SYN3: variants seen among roughly 807,000 people sequenced by gnomAD.
SYN3 encodes the protein synapsin III.
Under a neutral mutation model 65.8 loss-of-function variants are expected in SYN3, and 35 were observed. The ratio of observed to expected loss-of-function variants is 0.53; its 90% CI spans 0.41 to 0.70. The LOEUF is 0.70. SYN3 is among the 30% of genes least tolerant of loss of function. SYN3 has a pLI of 0.00. For synonymous variants in SYN3, 270 were observed against 292.9 expected (o/e 0.92, Z 0.80); for missense variants, 680 against 749.0 (o/e 0.91, Z 1.08).
At position 32,912,533 on chromosome 22, in the gene SYN3, T is replaced by C. The variant is rs941260969; in HGVS notation, c.461+18857A>G. On this transcript the variant is annotated intron_variant, in intron 4 of 13. Coordinates refer to ENST00000358763, the MANE Select transcript of SYN3 (RefSeq NM_003490.4). Reference sequence around the variant, plus strand: ...GAGTTTGAGACAAGCCTGCGCAACATAGTGAGACCCCCCCATCTCTACTAA... The same window carrying C: ...GAGTTTGAGACAAGCCTGCGCAACACAGTGAGACCCCCCCATCTCTACTAA... Among the ~76,000 whole-genome samples, 18 of 151,866 alleles carry C rather than the reference T, an allele frequency of 1.2e-4. 1 individual carries two copies. The highest frequency in any genetic ancestry group is 1.5e-5 in the Non-Finnish European group (1 of 67,986).
intron 6 of SYN3, among the ~76,000 whole-genome samples, chr22:32,829,437 G>T (rs1052005220): frequency 2.0e-5 from 3 of 152,190 alleles, no homozygotes; most frequent in Non-Finnish European, 4.4e-5. Flanking sequence ...GGGGTCCCCG[G>T]GCCTTCGGCA....
intron 1 of SYN3, among the ~76,000 whole-genome samples, chr22:33,045,459 C>CTTTTT (rs745442160): frequency 2.7e-4 from 23 of 84,720 alleles, no homozygotes; most frequent in Admixed American, 4.4e-4. Flanking sequence ...GCTCTACTTT[C>CTTTTT]TTTTTTTTTT....
intron 5 of SYN3, among the ~76,000 whole-genome samples, chr22:32,868,424 G>A (rs906989640): frequency 2.0e-5 from 3 of 150,678 alleles, no homozygotes; most frequent in Non-Finnish European, 2.9e-5. Context: ...ATATATTAAC[G>A]TATATGCATT....
chr22:32,979,319 A>G (rs1469643896), intron 3 of SYN3, among the ~76,000 whole-genome samples: 1 of 152,204 alleles, frequency 6.6e-6, no homozygotes, highest in African/African-American at 2.4e-5. Context: ...GCTAGCTAGC[A>G]TAGTAGACTC....
At chr22:32,584,501 A>G (rs2058994868) in intron 7 of SYN3, among the ~76,000 whole-genome samples, 1 of 152,188 alleles carries the variant, frequency 6.6e-6, no homozygotes, top group Non-Finnish European at 1.5e-5. Context: ...GGATGGCTCA[A>G]CAGACATGAC....
At chr22:32,816,311 G>A (rs918378006) in intron 6 of SYN3, among the ~76,000 whole-genome samples, 11 of 152,050 alleles carry the variant, frequency 7.2e-5, no homozygotes, top group African/African-American at 2.2e-4. Flanking sequence ...TCCTGACTAC[G>A]GGCCACACAC....
intron 6 of SYN3, among the ~76,000 whole-genome samples, chr22:32,799,349 G>A (rs563005207): frequency 2.1e-4 from 32 of 152,252 alleles, no homozygotes; most frequent in African/African-American, 7.7e-4. Flanking sequence ...TTAACCAAAA[G>A]GTAATTTCGT....
intron 6 of SYN3, among the ~76,000 whole-genome samples, chr22:32,704,519 A>G (rs899708099): frequency 3.9e-5 from 6 of 152,246 alleles, no homozygotes; most frequent in African/African-American, 9.6e-5. Flanking sequence ...ATAGTGCTGC[A>G]ATGAACATAT....
intron 13 of SYN3, among the ~76,000 whole-genome samples, chr22:32,515,706 T>C (rs1781843693): frequency 6.6e-6 from 1 of 152,242 alleles, no homozygotes; most frequent in Admixed American, 6.5e-5. Context: ...AAGTTTCTAT[T>C]TGTGATGGAT....
At chr22:32,994,082 T>C (rs2052805609) in intron 2 of SYN3, among the ~76,000 whole-genome samples, 1 of 152,060 alleles carries the variant, frequency 6.6e-6, no homozygotes, top group Admixed American at 6.5e-5. Flanking sequence ...GCCGCTGGAT[T>C]GGACAGCGTG....
At chr22:33,033,919 T>C (rs1186768847) in intron 1 of SYN3, among the ~76,000 whole-genome samples, 1 of 152,034 alleles carries the variant, frequency 6.6e-6, no homozygotes, top group African/African-American at 2.4e-5. Context: ...GCACGGTGGT[T>C]CACGCCTATA....
intron 1 of SYN3, among the ~76,000 whole-genome samples, chr22:33,056,355 C>T (rs768936370): frequency 5.3e-5 from 8 of 152,100 alleles, no homozygotes; most frequent in Non-Finnish European, 1.0e-4. Context: ...TAGTGGATAC[C>T]GTGGGGAAAT....
chr22:32,913,530 G>A (rs563472647), intron 4 of SYN3, among the ~76,000 whole-genome samples: 1 of 152,046 alleles, frequency 6.6e-6, no homozygotes, highest in East Asian at 1.9e-4. Flanking sequence ...GAAGAGATTG[G>A]GGGCAGGCAG....
chr22:32,538,478 G>A (rs1354030980), intron 8 of SYN3, among the ~76,000 whole-genome samples: 1 of 152,148 alleles, frequency 6.6e-6, no homozygotes, highest in Non-Finnish European at 1.5e-5. Context: ...GCCCCAAAAT[G>A]TTAGAAAAGT....
rs3070577 is a variant in SYN3 at position 32,739,376 on chromosome 22, CTT to C, written c.711+125537_711+125538del. On this transcript the variant is annotated intron_variant, in intron 6 of 13. Coordinates refer to ENST00000358763, the MANE Select transcript of SYN3 (RefSeq NM_003490.4). The stretch of plus-strand genomic sequence containing the variant: ...GAACTGTGAGTCCATTAAACCCCCC[CTT>C]TTTTTTTTTTTTATAAATTACCCAG... Among the ~76,000 whole-genome samples the C allele has an allele frequency of 7.0e-3, 974 of 138,814 alleles. 10 individuals carry two copies. The highest frequency in any genetic ancestry group is 0.014 in the East Asian group (69 of 4,872). 91.1% of individuals were successfully genotyped at this position (138,814 alleles called of 152,430 possible).
At chr22:32,729,684 G>C (rs1268121253) in intron 6 of SYN3, among the ~76,000 whole-genome samples, 1 of 152,186 alleles carries the variant, frequency 6.6e-6, no homozygotes. Flanking sequence ...ATTTTCTTGA[G>C]TGGGAGAGAA....
chr22:32,706,768 T>G (rs1442922488), intron 6 of SYN3, among the ~76,000 whole-genome samples: 1 of 152,270 alleles, frequency 6.6e-6, no homozygotes, highest in African/African-American at 2.4e-5. Context: ...CTCTTTCATA[T>G]GTACCCCACT....
At chr22:32,547,588 T>C (rs185757942) in intron 7 of SYN3, among the ~76,000 whole-genome samples, 2 of 152,090 alleles carry the variant, frequency 1.3e-5, no homozygotes, top group East Asian at 3.9e-4. Context: ...TGTGCTTGTG[T>C]GCACACATGT....
intron 2 of SYN3, among the ~76,000 whole-genome samples, chr22:32,990,407 G>GCCATCCATCCATCCAT (rs133923): frequency 2.1e-5 from 3 of 144,622 alleles, no homozygotes; most frequent in Non-Finnish European, 3.0e-5. Flanking sequence ...CATCCATCCA[G>GCCATCCATCCATCCAT]CCATCCATCC....
Sources: gnomAD v4.1 joint callset for allele counts (sites outside exome capture counted in the v4.1 genomes callset) on GRCh38, gnomAD v4.1.1 for gene constraint, MANE v1.5 for transcripts, NCBI Gene and HGNC (gene_info 2026-07-23, HGNC 2026-07-21) for gene names.